The following DPP6 variants were observed in gnomAD, a reference collection of about 807,000 sequenced individuals.
The protein encoded by DPP6 is A-type potassium channel modulatory protein DPP6.
DPP6 carries 69 observed loss-of-function variants against 122.6 expected under a neutral mutation model. The observed-to-expected ratio is 0.56, with a 90% CI of 0.46 to 0.69. DPP6 has a LOEUF of 0.69. Ranked by LOEUF, DPP6 falls within the 30% of genes least tolerant of loss-of-function variation. DPP6 has a pLI of 0.00. For synonymous variants in DPP6, 418 were observed against 433.1 expected (o/e 0.97, Z 0.43); for missense variants, 928 against 1,116.9 (o/e 0.83, Z 2.41).
At chr7:154,570,398 C>T (rs957854400) in intron 5 of DPP6, among the ~76,000 whole-genome samples, 2 of 151,890 alleles carry the variant, frequency 1.3e-5, no homozygotes, top group African/African-American at 2.4e-5. Flanking sequence ...TTGTCAGATA[C>T]TCAAAGACAG....
chr7:154,266,565 C>T (rs535652052), intron 1 of DPP6, among the ~76,000 whole-genome samples: 72 of 152,238 alleles, frequency 4.7e-4, no homozygotes, highest in African/African-American at 1.6e-3. Context: ...GGTGACAGAG[C>T]GAGATTCTGT....
At chr7:153,784,675 T>C in the DPP6 span, among the ~76,000 whole-genome samples, 1 of 152,200 alleles carries the variant, frequency 6.6e-6, no homozygotes. Flanking sequence ...CATTGGATTT[T>C]TAATGATATG....
chr7:154,750,098 T>C (rs1843299006), intron 8 of DPP6, among the ~76,000 whole-genome samples: 1 of 152,150 alleles, frequency 6.6e-6, no homozygotes, highest in African/African-American at 2.4e-5. Flanking sequence ...GGAGAGCTGC[T>C]TCCCACACCC....
At chr7:154,721,818 T>G (rs1398148659) in intron 7 of DPP6, among the ~76,000 whole-genome samples, 1 of 152,132 alleles carries the variant, frequency 6.6e-6, no homozygotes, top group Non-Finnish European at 1.5e-5. Flanking sequence ...GGCCAGCCAC[T>G]GTTTTACGTA....
chr7:154,317,912 T>C (rs1807573996), intron 1 of DPP6, among the ~76,000 whole-genome samples: 2 of 152,248 alleles, frequency 1.3e-5, no homozygotes. Context: ...GAGTCTGGCT[T>C]GTATATTTTG....
the DPP6 span, among the ~76,000 whole-genome samples, chr7:153,854,127 C>G: frequency 1.3e-3 from 188 of 149,040 alleles, 2 homozygotes; most frequent in Non-Finnish European, 1.3e-4. Context: ...GCTTGTTTTT[C>G]TCAGGTTTGT....
chr7:153,963,055 T>C (rs1795438158), intron 1 of DPP6, among the ~76,000 whole-genome samples: 1 of 152,206 alleles, frequency 6.6e-6, no homozygotes, highest in Non-Finnish European at 1.5e-5. Context: ...TACTATTTTC[T>C]ATACATTTAT....
At chr7:154,776,373 G>T (rs1039947577) in intron 10 of DPP6, among the ~76,000 whole-genome samples, 3 of 152,122 alleles carry the variant, frequency 2.0e-5, no homozygotes, top group Non-Finnish European at 4.4e-5. Context: ...TGCCCAGAGA[G>T]CTCCTCCCCA....
chr7:154,575,143 ATGTG>A (rs1484895547), intron 5 of DPP6, among the ~76,000 whole-genome samples: 6 of 89,716 alleles, frequency 6.7e-5, no homozygotes, highest in Non-Finnish European at 1.3e-4. Flanking sequence ...TGGTATGTGT[ATGTG>A]TGTGTGGTCT....
At chr7:154,386,714 A>C (rs1814142588) in intron 1 of DPP6, among the ~76,000 whole-genome samples, 1 of 152,162 alleles carries the variant, frequency 6.6e-6, no homozygotes, top group African/African-American at 2.4e-5. Flanking sequence ...TCGGAACAGG[A>C]GATGCAAAAA....
chr7:154,807,163 C>T, intron 16 of DPP6, 51 bp downstream of exon 16: 1 of 1,593,546 alleles, frequency 6.3e-7, no homozygotes, highest in Non-Finnish European at 8.5e-7. Flanking sequence ...GGCACATTTG[C>T]AGGGAGGGGG....
chr7:154,000,721 T>A (rs1346602006), intron 1 of DPP6, among the ~76,000 whole-genome samples: 1 of 152,046 alleles, frequency 6.6e-6, no homozygotes, highest in Non-Finnish European at 1.5e-5. Context: ...TCCTGGATAC[T>A]TATGGGTGCC....
intron 5 of DPP6, chr7:154,587,896 G>T (rs147606989): frequency 1.2e-6 from 2 of 1,612,892 alleles, no homozygotes; most frequent in Admixed American, 1.7e-5. Context: ...CTGGCTGGAG[G>T]ATTGCAGGAG....
intron 1 of DPP6, among the ~76,000 whole-genome samples, chr7:154,000,523 C>T (rs1205704135): frequency 6.6e-6 from 1 of 152,122 alleles, no homozygotes. Context: ...ATGCACCCTG[C>T]GTATGTATGT....
chr7:154,326,579 A>G (rs1184897157), intron 1 of DPP6, among the ~76,000 whole-genome samples: 2 of 152,196 alleles, frequency 1.3e-5, no homozygotes, highest in Non-Finnish European at 2.9e-5. Context: ...ACAGTGTTGT[A>G]TGTTTGTCAA....
intron 1 of DPP6, among the ~76,000 whole-genome samples, chr7:154,234,665 C>T (rs1020249554): frequency 1.3e-5 from 2 of 152,094 alleles, no homozygotes; most frequent in Non-Finnish European, 2.9e-5. Context: ...AACACGCAAA[C>T]ACCCAACACA....
intron 16 of DPP6, among the ~76,000 whole-genome samples, chr7:154,827,727 G>T (rs1369026982): frequency 2.2e-4 from 1 of 4,612 alleles, no homozygotes; most frequent in East Asian, 4.0e-3. Context: ...ACGGCTGGCG[G>T]GGGGGGGGTG....
rs894971714 is a variant in DPP6, at chr7:154,760,696, G to T, written c.884-8721G>T. ...TGGGACCTGTTTGAGCGTGAGGCAG[G>T]TGAGCAGAAGACATCAGGCCCAGAA... On this transcript the variant is annotated intron_variant, in intron 8 of 25. Coordinates refer to ENST00000377770, the MANE Select transcript of DPP6 (RefSeq NM_130797.4). This position sits in a 1 kb window ranked among gnomAD's most constrained non-coding sequence, Gnocchi z 4.5. Among the ~76,000 whole-genome samples, 3 of 152,156 alleles carry T rather than the reference G, an allele frequency of 2.0e-5. No homozygotes were observed. In the East Asian group the frequency reaches 5.8e-4, roughly 29 times the overall value.
chr7:153,970,076 A>G (rs1400459744), intron 1 of DPP6, among the ~76,000 whole-genome samples: 1 of 152,230 alleles, frequency 6.6e-6, no homozygotes, highest in Non-Finnish European at 1.5e-5. Flanking sequence ...GTGTTGATCC[A>G]TTCAACAGTT....
Sources: gnomAD v4.1 joint callset for allele counts (sites outside exome capture counted in the v4.1 genomes callset) on GRCh38, gnomAD v4.1.1 for gene constraint, Gnocchi (gnomAD v3.1) non-coding constraint, MANE v1.5 for transcripts, NCBI Gene and HGNC (gene_info 2026-07-23, HGNC 2026-07-21) for gene names.